VAV3: variants seen among roughly 807,000 people sequenced by gnomAD.
VAV3 encodes vav guanine nucleotide exchange factor 3.
A neutral mutation model predicts 131.2 loss-of-function variants in VAV3; 94 were observed. The observed-to-expected ratio is 0.72, with a 90% confidence interval of 0.61 to 0.85. The LOEUF (loss-of-function observed/expected upper bound fraction) is 0.85. Ranked by LOEUF, VAV3 falls within the 40% of genes least tolerant of loss-of-function variation. The pLI is 0.00. For missense variants in VAV3, 939 were observed against 1,002.7 expected (o/e 0.94, Z 0.86); for synonymous variants, 349 against 342.0 (o/e 1.02, Z -0.22).
intron 19 of VAV3, among the ~76,000 whole-genome samples, chr1:107,678,650 C>G (rs532889289): frequency 6.6e-6 from 1 of 152,060 alleles, no homozygotes; most frequent in South Asian, 2.1e-4. Flanking sequence ...ATAAATTTCA[C>G]AATCCTTTGA....
At chr1:107,743,778 T>C (rs1663162129) in intron 15 of VAV3, among the ~76,000 whole-genome samples, 2 of 152,252 alleles carry the variant, frequency 1.3e-5, no homozygotes, top group Admixed American at 6.5e-5. Context: ...TTTTTGTTTT[T>C]ATCATATAAA....
intron 19 of VAV3, chr1:107,668,724 T>C: frequency 3.0e-6 from 3 of 984,954 alleles, no homozygotes; most frequent in Non-Finnish European, 3.6e-6. Context: ...AAACTAACAA[T>C]TCTAAAGAAA....
chr1:107,715,620 C>T lies in VAV3; in HGVS notation c.1503-10559G>A, dbSNP rs576949725. ...TTCTGGAACCAACAATCATGGTTCT[C>T]CAGTTAATTTGAACTATCTTGCTTT... is the stretch of plus-strand genomic sequence containing the variant. On this transcript the variant is annotated intron_variant, in intron 15 of 26. Coordinates refer to ENST00000370056, the MANE Select transcript of VAV3 (RefSeq NM_006113.5). Among the ~76,000 whole-genome samples, 3 of 152,244 alleles carry T rather than the reference C, an allele frequency of 2.0e-5. No individual in the cohort carries two copies. In the South Asian group the frequency reaches 6.2e-4, roughly 32 times the overall value.
chr1:107,652,222 C>T (rs1335143666), intron 19 of VAV3, among the ~76,000 whole-genome samples: 5 of 152,124 alleles, frequency 3.3e-5, no homozygotes, highest in African/African-American at 1.2e-4. Context: ...CTCTCCTAGT[C>T]CTCACTGCTA....
intron 12 of VAV3, among the ~76,000 whole-genome samples, chr1:107,752,691 C>T (rs1005157546): frequency 7.9e-5 from 12 of 152,108 alleles, no homozygotes; most frequent in African/African-American, 1.9e-4. Flanking sequence ...AGCAAACACA[C>T]AAAGACAATA....
chr1:107,685,447 T>G (rs1658949911), intron 18 of VAV3, among the ~76,000 whole-genome samples: 1 of 152,218 alleles, frequency 6.6e-6, no homozygotes, highest in South Asian at 2.1e-4. Flanking sequence ...AAGTGATAGA[T>G]TATTAGCTTT....
intron 1 of VAV3, among the ~76,000 whole-genome samples, chr1:107,962,924 C>T (rs563898751): frequency 3.7e-4 from 57 of 152,232 alleles, no homozygotes; most frequent in African/African-American, 1.3e-3. Context: ...TTTGCTACCC[C>T]CACTAGGGAA....
At chr1:107,886,749 C>A (rs1363636803) in intron 1 of VAV3, among the ~76,000 whole-genome samples, 2 of 152,056 alleles carry the variant, frequency 1.3e-5, no homozygotes, top group Admixed American at 6.6e-5. Flanking sequence ...CATTCCTCAC[C>A]CTTTGCTCTC....
At chr1:107,964,049 T>C (rs931028086) in intron 1 of VAV3, among the ~76,000 whole-genome samples, 11 of 152,178 alleles carry the variant, frequency 7.2e-5, no homozygotes, top group Admixed American at 4.6e-4. Flanking sequence ...GACTCGCTCC[T>C]TCTCACATGG....
chr1:107,863,562 C>T (rs1669844245), intron 2 of VAV3, among the ~76,000 whole-genome samples: 1 of 152,176 alleles, frequency 6.6e-6, no homozygotes, highest in South Asian at 2.1e-4. Flanking sequence ...TCCAGCTTGC[C>T]CCTGTTGCAT....
chr1:107,687,169 TA>T (rs905461402), intron 18 of VAV3, among the ~76,000 whole-genome samples: 63 of 152,220 alleles, frequency 4.1e-4, no homozygotes, highest in African/African-American at 1.4e-3. Context: ...TATGGCCTAT[TA>T]AAAAAATCAC....
chr1:107,875,477 A>G (rs1248627094), intron 1 of VAV3, among the ~76,000 whole-genome samples: 1 of 152,118 alleles, frequency 6.6e-6, no homozygotes, highest in Non-Finnish European at 1.5e-5. Flanking sequence ...GGAGAACCGT[A>G]GCACACAACA....
intron 17 of VAV3, among the ~76,000 whole-genome samples, chr1:107,698,299 G>A (rs1659869747): frequency 1.3e-5 from 2 of 152,132 alleles, no homozygotes; most frequent in African/African-American, 4.8e-5. Flanking sequence ...CGAGCAACAT[G>A]CCCAATGAGA....
chr1:107,599,191 T>A (rs1409217394), intron 24 of VAV3, among the ~76,000 whole-genome samples: 2 of 152,196 alleles, frequency 1.3e-5, no homozygotes, highest in Non-Finnish European at 2.9e-5. Context: ...TCACTAAGCA[T>A]GGAAGATATT....
intron 1 of VAV3, among the ~76,000 whole-genome samples, chr1:107,929,822 T>G (rs535331205): frequency 4.7e-4 from 72 of 152,156 alleles, no homozygotes; most frequent in Non-Finnish European, 7.8e-4. Context: ...AAAGAAAATG[T>G]GGTACTTATA....
At chr1:107,755,548 A>G (rs753133325) in intron 11 of VAV3, 35 bp from the exon 12 acceptor site, 1 of 1,501,176 alleles carries the variant, frequency 6.7e-7, no homozygotes, top group Non-Finnish European at 9.2e-7. Flanking sequence ...AAAAGAAGGC[A>G]CACTAAGATT....
intron 15 of VAV3, among the ~76,000 whole-genome samples, chr1:107,744,199 C>A (rs1663190327): frequency 6.6e-6 from 1 of 152,192 alleles, no homozygotes; most frequent in South Asian, 2.1e-4. Flanking sequence ...TTCTCTTCGT[C>A]CCACTACCAT....
chr1:107,588,577 A>T (rs1490660197), intron 25 of VAV3, among the ~76,000 whole-genome samples: 1 of 152,204 alleles, frequency 6.6e-6, no homozygotes, highest in Non-Finnish European at 1.5e-5. Flanking sequence ...TAAGCCTCCT[A>T]ACATGAGCAT....
At chr1:107,810,176 C>T (rs1667251460) in intron 2 of VAV3, among the ~76,000 whole-genome samples, 1 of 152,076 alleles carries the variant, frequency 6.6e-6, no homozygotes, top group Non-Finnish European at 1.5e-5. Flanking sequence ...CAGCCTAGAC[C>T]AGGATTTTCA....
Sources: allele counts gnomAD v4.1 joint callset (sites outside exome capture counted in the v4.1 genomes callset), GRCh38; gene constraint gnomAD v4.1.1; transcripts MANE v1.5; gene names NCBI Gene and HGNC (gene_info 2026-07-23, HGNC 2026-07-21).